The following TSHZ2 variants were observed in gnomAD, a reference collection of about 807,000 sequenced individuals.
TSHZ2 encodes the protein teashirt zinc finger homeobox 2.
TSHZ2 carries 21 observed loss-of-function variants against 74.4 expected under a neutral mutation model. The observed-to-expected ratio is 0.28, with a 90% CI of 0.20 to 0.41. The LOEUF (loss-of-function observed/expected upper bound fraction) is 0.41, where lower values mean the gene tolerates loss of function less well. Ranked by LOEUF, TSHZ2 falls within the 10% of genes least tolerant of loss-of-function variation. The pLI, the probability that TSHZ2 is intolerant of heterozygous loss-of-function variation, is 1.00. For synonymous variants in TSHZ2, 540 were observed against 515.3 expected (o/e 1.05, Z -0.65); for missense variants, 1,244 against 1,293.5 (o/e 0.96, Z 0.59).
chr20:53,463,409 A>AGGAC (rs1985449079), intron 2 of TSHZ2, among the ~76,000 whole-genome samples: 2 of 120,006 alleles, frequency 1.7e-5, no homozygotes, highest in African/African-American at 6.8e-5. Context: ...GAAGGAAGGA[A>AGGAC]GGAAGGAAGG....
intron 1 of TSHZ2, among the ~76,000 whole-genome samples, chr20:53,203,258 G>A (rs1002695107): frequency 4.7e-4 from 70 of 148,302 alleles, no homozygotes; most frequent in African/African-American, 1.6e-3. Flanking sequence ...GCAGTGGCAC[G>A]ATCTCGGCTC....
At chr20:53,314,287 C>CAAAAAAAAAAAAAAAAAAAAAAAAA (rs5841941) in intron 2 of TSHZ2, among the ~76,000 whole-genome samples, 3 of 131,706 alleles carry the variant, frequency 2.3e-5, no homozygotes, top group Non-Finnish European at 3.2e-5. Flanking sequence ...GACTCTGTCT[C>CAAAAAAAAAAAAAAAAAAAAAAAAA]AAAAAAAAAA....
intron 1 of TSHZ2, among the ~76,000 whole-genome samples, chr20:53,148,196 A>C (rs1987590693): frequency 6.6e-6 from 1 of 152,176 alleles, no homozygotes; most frequent in Non-Finnish European, 1.5e-5. Flanking sequence ...GATCACATGA[A>C]TGTTATTTCT....
chr20:53,412,131 C>T (rs536751210), intron 2 of TSHZ2, among the ~76,000 whole-genome samples: 1 of 152,314 alleles, frequency 6.6e-6, no homozygotes, highest in East Asian at 1.9e-4. Context: ...CCCATTAAGA[C>T]TCAGTTCACA....
chr20:53,174,867 C>T (rs922071193), intron 1 of TSHZ2, among the ~76,000 whole-genome samples: 2 of 151,576 alleles, frequency 1.3e-5, no homozygotes, highest in Admixed American at 6.6e-5. Context: ...AAGGAGGCAG[C>T]GTGAAGGAGG....
chr20:53,463,555 AAAG>A (rs1385213000), intron 2 of TSHZ2, among the ~76,000 whole-genome samples: 1 of 152,210 alleles, frequency 6.6e-6, no homozygotes, highest in Non-Finnish European at 1.5e-5. Context: ...CATGTCTCTG[AAAG>A]AAGGATTAAC....
At chr20:53,185,436 A>T in intron 1 of TSHZ2, 3 of 1,313,710 alleles carry the variant, frequency 2.3e-6, no homozygotes, top group Non-Finnish European at 2.9e-6. Context: ...GCACTTTGGG[A>T]GGCCGAGGCA....
intron 1 of TSHZ2, among the ~76,000 whole-genome samples, chr20:53,208,943 T>C (rs1391838916): frequency 6.6e-6 from 1 of 152,150 alleles, no homozygotes; most frequent in Non-Finnish European, 1.5e-5. Context: ...CAAGTATGCA[T>C]TGCTTACTCT....
intron 1 of TSHZ2, among the ~76,000 whole-genome samples, chr20:52,998,583 C>T (rs1982292163): frequency 6.6e-6 from 1 of 152,204 alleles, no homozygotes; most frequent in African/African-American, 2.4e-5. Context: ...TAAATCCACC[C>T]TCGCCAGTAC....
At chr20:53,053,592 T>C (rs916876068) in intron 1 of TSHZ2, among the ~76,000 whole-genome samples, 8 of 151,978 alleles carry the variant, frequency 5.3e-5, no homozygotes, top group Non-Finnish European at 1.2e-4. Context: ...TATATATATA[T>C]ATATATATTT....
chr20:53,302,414 T>C (rs1978346523), intron 2 of TSHZ2, among the ~76,000 whole-genome samples: 1 of 152,190 alleles, frequency 6.6e-6, no homozygotes, highest in African/African-American at 2.4e-5. Flanking sequence ...TAGTGAATAA[T>C]TTTTATTCTC....
In TSHZ2 at chr20:53,318,363, G is replaced by A. The variant is rs544548331; in HGVS notation, c.*8+61792G>A. Among the ~76,000 whole-genome samples, 4 of 152,166 alleles carry A rather than the reference G, an allele frequency of 2.6e-5. No individual in the cohort carries two copies. The South Asian group carries it at 6.2e-4, about 24-fold the overall frequency. ...GCACCCAAACCTTCCAGAATTCCAC[G>A]CGGAAACACTCCCCAAAGGCATTCA... is the stretch of plus-strand genomic sequence containing the variant. On this transcript the variant is annotated intron_variant, in intron 2 of 2. Transcript: ENST00000371497.
At chr20:53,122,171 C>A (rs2123353976) in intron 1 of TSHZ2, among the ~76,000 whole-genome samples, 1 of 151,828 alleles carries the variant, frequency 6.6e-6, no homozygotes, top group East Asian at 1.9e-4. Flanking sequence ...ACCTGTGGTC[C>A]CAGCCACTTA....
intron 2 of TSHZ2, among the ~76,000 whole-genome samples, chr20:53,369,064 C>A (rs867061426): frequency 2.0e-5 from 3 of 152,216 alleles, no homozygotes; most frequent in African/African-American, 7.2e-5. Context: ...GAGTTCAAGA[C>A]CAGCCTGGGC....
chr20:53,252,834 CA>C (rs1323866046), intron 1 of TSHZ2, among the ~76,000 whole-genome samples: 2 of 152,172 alleles, frequency 1.3e-5, no homozygotes, highest in Non-Finnish European at 2.9e-5. Flanking sequence ...CGATTATTTT[CA>C]AGTCATTATA....
At chr20:53,406,241 G>A (rs1982847702) in intron 2 of TSHZ2, among the ~76,000 whole-genome samples, 1 of 152,114 alleles carries the variant, frequency 6.6e-6, no homozygotes, top group Non-Finnish European at 1.5e-5. Flanking sequence ...AAAGGGAGCA[G>A]GATCACAAAG....
chr20:52,997,650 G>GC (rs915786707), intron 1 of TSHZ2, among the ~76,000 whole-genome samples: 39 of 152,244 alleles, frequency 2.6e-4, no homozygotes, highest in African/African-American at 8.9e-4. Flanking sequence ...ACCCAAGCAA[G>GC]CCGGGTTCTG....
At chr20:53,014,217 GA>G (rs1982953874) in intron 1 of TSHZ2, among the ~76,000 whole-genome samples, 1 of 150,556 alleles carries the variant, frequency 6.6e-6, no homozygotes, top group African/African-American at 2.4e-5. Context: ...GAGAGAGAGA[GA>G]GAGAAGAGAG....
intron 1 of TSHZ2, among the ~76,000 whole-genome samples, chr20:53,125,943 C>T (rs1986936450): frequency 6.6e-6 from 1 of 152,208 alleles, no homozygotes; most frequent in Non-Finnish European, 1.5e-5. Flanking sequence ...AGTCCCATGA[C>T]TTAGTGGCTA....
Sources: gnomAD v4.1 joint callset for allele counts (sites outside exome capture counted in the v4.1 genomes callset) on GRCh38, gnomAD v4.1.1 for gene constraint, MANE v1.5 for transcripts, NCBI Gene and HGNC (gene_info 2026-07-23, HGNC 2026-07-21) for gene names.